The following SLC9A4 variants were observed in gnomAD, a reference collection of about 807,000 sequenced individuals.
SLC9A4 encodes solute carrier family 9 member A4, also known as sodium/hydrogen exchanger 4.
Under a neutral mutation model 67.4 loss-of-function variants are expected in SLC9A4, and 63 were observed. The ratio of observed to expected loss-of-function variants is 0.93; its 90% CI spans 0.76 to 1.15. The LOEUF (loss-of-function observed/expected upper bound fraction) is 1.15. Ranked by LOEUF, SLC9A4 falls within the 50% of genes most tolerant of loss-of-function variation. The probability of loss-of-function intolerance (pLI) is 0.00; values close to 1 mark genes in which losing one functional copy is unlikely to be tolerated. For synonymous variants in SLC9A4, 393 were observed against 367.2 expected (o/e 1.07, Z -0.80); for missense variants, 1,089 against 987.7 (o/e 1.10, Z -1.38).
chr2:102,478,822 T>C lies in SLC9A4; in HGVS notation c.257-17T>C. On this transcript the variant is annotated splice_polypyrimidine_tract_variant and intron_variant, in intron 1 of 11. Transcript: ENST00000295269. ...GTTTCGTTTGCAAGCACCTAACTGC[T>C]CTTCGCTGTTCTGCAGGCTTCCACC... 6.2e-7 allele frequency: 1 copy of C among 1,609,914 alleles called. No homozygotes were observed. The highest frequency in any genetic ancestry group is 8.5e-7 in the Non-Finnish European group (1 of 1,177,698).
chr2:102,495,311 T>A (rs1684784940), intron 2 of SLC9A4, among the ~76,000 whole-genome samples: 1 of 152,096 alleles, frequency 6.6e-6, no homozygotes, highest in Non-Finnish European at 1.5e-5. Context: ...TCGAAGTGAA[T>A]TTAACAAAGA....
intron 2 of SLC9A4, among the ~76,000 whole-genome samples, chr2:102,480,875 G>T (rs1475553954): frequency 2.6e-5 from 4 of 152,116 alleles, no homozygotes; most frequent in Non-Finnish European, 5.9e-5. Flanking sequence ...CACATGCCCC[G>T]CAGGACCACA....
chr2:102,488,704 A>C (rs1684639916), intron 2 of SLC9A4, among the ~76,000 whole-genome samples: 1 of 152,010 alleles, frequency 6.6e-6, no homozygotes, highest in Admixed American at 6.5e-5. Context: ...GCCCACCACC[A>C]CGCCCGGCTA....
At chr2:102,520,009 T>A in intron 9 of SLC9A4, 54 bp downstream of exon 9, 2 of 1,476,444 alleles carry the variant, frequency 1.4e-6, no homozygotes, top group Non-Finnish European at 1.9e-6. Context: ...AAACAGTCTC[T>A]GAAGGGGGAG....
chr2:102,502,412 G>A (rs1449051207), intron 2 of SLC9A4, among the ~76,000 whole-genome samples: 2 of 152,152 alleles, frequency 1.3e-5, no homozygotes, highest in African/African-American at 2.4e-5. Context: ...AACGGTCTAG[G>A]TGCAATCAGG....
At position 102,520,039 on chromosome 2, in the gene SLC9A4, C is replaced by G. The variant is rs1010597703; in HGVS notation, c.1818+84C>G. 3.5e-6 allele frequency: 4 copies of G among 1,139,460 alleles called. No homozygotes were observed. The African/African-American group carries it at 4.6e-5, about 13-fold the overall frequency. The allele number at this position is 1,139,460 out of a possible 1,614,324, so 70.6% of individuals were successfully genotyped here. ...GGGGAGTCTGTTGATGTTCAAGTCT[C>G]CTGATGTTCACGTCACCCTCTGTAA... On this transcript the variant is annotated intron_variant, in intron 9 of 11. Transcript: ENST00000295269.
intron 9 of SLC9A4, among the ~76,000 whole-genome samples, chr2:102,521,357 T>C (rs1231421057): frequency 2.0e-5 from 3 of 152,208 alleles, no homozygotes; most frequent in Non-Finnish European, 4.4e-5. Flanking sequence ...TTTCCAGTGT[T>C]CTACTTTCTA....
At chr2:102,499,059 T>G (rs962914541) in intron 2 of SLC9A4, among the ~76,000 whole-genome samples, 2 of 152,180 alleles carry the variant, frequency 1.3e-5, no homozygotes, top group Non-Finnish European at 2.9e-5. Flanking sequence ...GGGACTGTCT[T>G]TGCTGCACTT....
chr2:102,475,288 G>T (rs1205841207), intron 1 of SLC9A4, among the ~76,000 whole-genome samples: 1 of 152,208 alleles, frequency 6.6e-6, no homozygotes, highest in Admixed American at 6.5e-5. Context: ...GATCTTACTT[G>T]GTACTTGAGT....
intron 11 of SLC9A4, among the ~76,000 whole-genome samples, chr2:102,530,899 G>A (rs1474310): frequency 1.3e-5 from 2 of 151,936 alleles, no homozygotes; most frequent in Admixed American, 6.6e-5. Context: ...TATTGAACAG[G>A]ATATTTTAAG....
intron 2 of SLC9A4, among the ~76,000 whole-genome samples, chr2:102,490,499 A>C (rs559448454): frequency 1.9e-3 from 284 of 152,268 alleles, no homozygotes; most frequent in Middle Eastern, 6.8e-3. Context: ...GACACCAATC[A>C]TATTGGATTA....
rs945380244 is a variant in SLC9A4, at chr2:102,520,851, A to G, written c.1818+896A>G. On this transcript the variant is annotated intron_variant, in intron 9 of 11. Transcript: ENST00000295269. ...ACACAGGTTTTCTACCCACCCACCC[A>G]GTGCTCTTTTCATGACTCTGGACTT... 2.3e-4 allele frequency among the ~76,000 whole-genome samples: 35 copies of G among 152,210 alleles called. 1 individual carries two copies. The highest frequency in any genetic ancestry group is 1.3e-4 in the Admixed American group (2 of 15,284).
At position 102,478,906 on chromosome 2, in the gene SLC9A4, G is replaced by T. The variant is rs761722125; in HGVS notation, c.324G>T (p.Ala108=). The T allele has an allele frequency of 5.6e-6, 9 of 1,614,122 alleles. No individual in the cohort carries two copies. In the South Asian group the frequency reaches 9.9e-5, roughly 18 times the overall value. ...GCTGCCTCCTCATCCTGGTGGGGGCGCTGGTGGGCGGCATCATCTTCGGCA... is the reference window on the plus strand; with the variant it reads ...GCTGCCTCCTCATCCTGGTGGGGGCTCTGGTGGGCGGCATCATCTTCGGCA... ...PESCLLILVG[A]LVGGIIFGTD... The change falls in exon 2 of 12, where the codon GCG becomes GCT. Residue 108 remains alanine, a synonymous_variant. Transcript: ENST00000295269.
intron 9 of SLC9A4, 123 bp downstream of exon 9, chr2:102,520,078 T>G: frequency 2.8e-6 from 2 of 708,314 alleles, no homozygotes; most frequent in South Asian, 4.4e-5. Context: ...GGTAACTTGC[T>G]GAATATTTTC....
At position 102,473,837 on chromosome 2, in the gene SLC9A4, A is replaced by T. The variant is rs140006023; in HGVS notation, c.78A>T (p.Ala26=). 2.0e-5 allele frequency: 32 copies of T among 1,614,000 alleles called. No homozygotes were observed. The highest frequency in any genetic ancestry group is 2.2e-5 in the Non-Finnish European group (26 of 1,179,962). ...TAGTGGCTCTTGAGTGTTCTGAAGC[A>T]TCTTCTGATTTGAATGAATCTGCAA... ...LLLVALECSE[A]SSDLNESANS... Residue 26 remains alanine, a synonymous_variant, in exon 1 of 12, where the codon GCA becomes GCT. Transcript: ENST00000295269.
intron 2 of SLC9A4, among the ~76,000 whole-genome samples, chr2:102,499,075 A>T (rs1199092039): frequency 1.3e-5 from 2 of 152,150 alleles, no homozygotes; most frequent in Non-Finnish European, 2.9e-5. Flanking sequence ...CACTTCTTAG[A>T]GAGTTTATTA....
At chr2:102,524,586 T>TG (rs1674618459) in intron 9 of SLC9A4, among the ~76,000 whole-genome samples, 2 of 69,540 alleles carry the variant, frequency 2.9e-5, no homozygotes, top group Non-Finnish European at 6.1e-5. Flanking sequence ...GTGTGTGTGT[T>TG]TGTGTGCTTG....
At chr2:102,510,287 A>G (rs563367735) in intron 6 of SLC9A4, among the ~76,000 whole-genome samples, 6 of 151,772 alleles carry the variant, frequency 4.0e-5, no homozygotes, top group African/African-American at 1.2e-4. Flanking sequence ...ATAGATATAG[A>G]TATAGATATA....
intron 11 of SLC9A4, among the ~76,000 whole-genome samples, chr2:102,532,027 T>C (rs1674787496): frequency 1.3e-5 from 2 of 152,222 alleles, no homozygotes; most frequent in Non-Finnish European, 2.9e-5. Context: ...GGTTTATGTC[T>C]ATGGCCAACT....
Sources: allele counts gnomAD v4.1 joint callset (sites outside exome capture counted in the v4.1 genomes callset), GRCh38; gene constraint gnomAD v4.1.1; transcripts MANE v1.5; gene names NCBI Gene and HGNC (gene_info 2026-07-23, HGNC 2026-07-21).